GAP43: variants seen among roughly 807,000 people sequenced by gnomAD.
GAP43 encodes growth associated protein 43, also known as neuromodulin.
GAP43 carries 6 observed loss-of-function variants against 18.6 expected under a neutral mutation model. The ratio of observed to expected loss-of-function variants is 0.32; its 90% CI spans 0.18 to 0.64. GAP43 has a LOEUF of 0.64. Ranked by LOEUF, GAP43 falls within the 30% of genes least tolerant of loss-of-function variation. The pLI, the probability that GAP43 is intolerant of heterozygous loss-of-function variation, is 0.78. For synonymous variants in GAP43, 115 were observed against 111.4 expected, an observed-to-expected ratio of 1.03 and a Z score of -0.20; for missense variants, 292 against 295.5, an observed-to-expected ratio of 0.99 and a Z score of 0.09.
chr3:115,695,038 G>T, intron 2 of GAP43, among the ~76,000 whole-genome samples: 1 of 152,176 alleles, frequency 6.6e-6, no homozygotes, highest in East Asian at 1.9e-4. Flanking sequence ...TGTTTTTATA[G>T]CATGGAAATA....
intron 2 of GAP43, among the ~76,000 whole-genome samples, chr3:115,682,611 A>G (rs1197883212): frequency 6.6e-6 from 1 of 152,168 alleles, no homozygotes; most frequent in Non-Finnish European, 1.5e-5. Flanking sequence ...ATCTCAGCTC[A>G]CTGTAACCTC....
chr3:115,718,501 TTGAG>T (rs1269767477), intron 2 of GAP43, among the ~76,000 whole-genome samples: 1 of 152,164 alleles, frequency 6.6e-6, no homozygotes, highest in Admixed American at 6.5e-5. Flanking sequence ...ATGATCAGAA[TTGAG>T]TTAGTTTCAT....
At chr3:115,691,639 A>C (rs1465558707) in intron 2 of GAP43, among the ~76,000 whole-genome samples, 1 of 152,220 alleles carries the variant, frequency 6.6e-6, no homozygotes, top group Non-Finnish European at 1.5e-5. Flanking sequence ...ATTAACGTGC[A>C]AATAGGACAT....
At chr3:115,675,683 TG>T (rs1470746160) in intron 1 of GAP43, among the ~76,000 whole-genome samples, 2 of 132,838 alleles carry the variant, frequency 1.5e-5, no homozygotes, top group Non-Finnish European at 3.1e-5. Flanking sequence ...TGCTTGAACC[TG>T]GGAGGCGGAG....
chr3:115,669,972 T>G (rs971264404), intron 1 of GAP43, among the ~76,000 whole-genome samples: 1 of 93,788 alleles, frequency 1.1e-5, no homozygotes, highest in Admixed American at 1.3e-4. Flanking sequence ...TTTATTTTTA[T>G]TTTTTTTTTT....
rs6780411 is a variant in GAP43 at position 115,683,132 on chromosome 3, C to T, written c.628+6522C>T. ...TTTTCTCTACATACATGTGCGCGCG[C>T]GTGCGCGCGCGCGCGCACACACACA... On this transcript the variant is annotated intron_variant, in intron 2 of 2. Coordinates refer to ENST00000305124, the MANE Select transcript of GAP43 (RefSeq NM_002045.4). Among the ~76,000 whole-genome samples, 545 of 89,794 alleles carry T rather than the reference C, an allele frequency of 6.1e-3. 5 individuals carry two copies. The highest frequency in any genetic ancestry group is 0.021 in the African/African-American group (486 of 23,268). The allele number at this position is 89,794 out of a possible 152,430, so 58.9% of individuals were successfully genotyped here. A position where few individuals can be genotyped will look rare whatever the true frequency, so the allele number is the denominator to read the frequency against.
chr3:115,713,022 T>G (rs1439108277), intron 2 of GAP43, among the ~76,000 whole-genome samples: 1 of 152,150 alleles, frequency 6.6e-6, no homozygotes, highest in East Asian at 1.9e-4. Context: ...ACTTAAAATG[T>G]GAAACATGGT....
intron 2 of GAP43, among the ~76,000 whole-genome samples, chr3:115,715,137 AG>A (rs1445705400): frequency 1.3e-5 from 2 of 152,166 alleles, no homozygotes; most frequent in African/African-American, 2.4e-5. Flanking sequence ...CCGTCACCTT[AG>A]GGGGTTAGAA....
intron 2 of GAP43, among the ~76,000 whole-genome samples, chr3:115,694,060 G>A (rs1339405633): frequency 1.3e-5 from 2 of 152,128 alleles, no homozygotes; most frequent in Non-Finnish European, 2.9e-5. Context: ...GGAGGAGATG[G>A]GAAGAGGAGA....
intron 1 of GAP43, among the ~76,000 whole-genome samples, chr3:115,631,325 A>T (rs1010051633): frequency 1.3e-5 from 2 of 152,158 alleles, no homozygotes; most frequent in Non-Finnish European, 2.9e-5. Context: ...AAGTAATTTA[A>T]CCTTTCTGAG....
intron 2 of GAP43, among the ~76,000 whole-genome samples, chr3:115,699,096 G>T (rs184987579): frequency 1.3e-5 from 2 of 152,158 alleles, no homozygotes; most frequent in Non-Finnish European, 2.9e-5. Context: ...GTCTACCATG[G>T]AAAGATTTGG....
At chr3:115,678,999 A>G (rs184919290) in intron 2 of GAP43, among the ~76,000 whole-genome samples, 2 of 151,844 alleles carry the variant, frequency 1.3e-5, no homozygotes, top group Admixed American at 6.6e-5. Flanking sequence ...ATCACATCAT[A>G]TCAGGTCCAA....
intron 2 of GAP43, among the ~76,000 whole-genome samples, chr3:115,718,849 C>A (rs1709542539): frequency 6.6e-6 from 1 of 152,106 alleles, no homozygotes; most frequent in African/African-American, 2.4e-5. Context: ...ATAGGTATTT[C>A]AGAGAAGAAA....
At chr3:115,648,345 C>T (rs1708482375) in intron 1 of GAP43, among the ~76,000 whole-genome samples, 1 of 152,112 alleles carries the variant, frequency 6.6e-6, no homozygotes, top group Non-Finnish European at 1.5e-5. Context: ...TTGTCCTGCT[C>T]TGTTCTCTAG....
At chr3:115,643,475 T>C (rs761920081) in intron 1 of GAP43, among the ~76,000 whole-genome samples, 13 of 152,110 alleles carry the variant, frequency 8.5e-5, no homozygotes, top group Non-Finnish European at 1.8e-4. Context: ...ATCTTACTGA[T>C]GTAACCCTGT....
intron 1 of GAP43, among the ~76,000 whole-genome samples, chr3:115,636,767 A>G (rs1576977808): frequency 6.6e-6 from 1 of 152,078 alleles, no homozygotes; most frequent in East Asian, 1.9e-4. Context: ...CCAATTTCCT[A>G]TTCTTGTCTT....
intron 2 of GAP43, among the ~76,000 whole-genome samples, chr3:115,690,042 C>G (rs1166899211): frequency 6.6e-6 from 1 of 152,220 alleles, no homozygotes; most frequent in African/African-American, 2.4e-5. Context: ...TGGCCATGGC[C>G]AAGGCCAATT....
chr3:115,679,313 T>C (rs1279883303), intron 2 of GAP43, among the ~76,000 whole-genome samples: 2 of 152,248 alleles, frequency 1.3e-5, no homozygotes, highest in Non-Finnish European at 2.9e-5. Context: ...GGGGGAACTA[T>C]AAATGTTATT....
At chr3:115,676,721 T>C in intron 2 of GAP43, 111 bp downstream of exon 2, 3 of 1,172,898 alleles carry the variant, frequency 2.6e-6, no homozygotes, top group Non-Finnish European at 3.5e-6. Context: ...AGAAGATGTT[T>C]TCCAGAAATC....
Sources: gnomAD v4.1 joint callset for allele counts (sites outside exome capture counted in the v4.1 genomes callset) on GRCh38, gnomAD v4.1.1 for gene constraint, MANE v1.5 for transcripts, NCBI Gene and HGNC (gene_info 2026-07-23, HGNC 2026-07-21) for gene names.